Variants in ZFP1 observed in about 807,000 individuals in gnomAD.
ZFP1 encodes the protein ZFP1 zinc finger protein.
Under a neutral mutation model 38.5 loss-of-function variants are expected in ZFP1, and 32 were observed. The ratio of observed to expected loss-of-function variants is 0.83; its 90% CI spans 0.63 to 1.12. The LOEUF is 1.12. ZFP1 is among the 50% of genes most tolerant of loss of function. The pLI is 0.00. For synonymous variants in ZFP1, 245 were observed against 168.8 expected (o/e 1.45, Z -3.50); for missense variants, 616 against 480.8 (o/e 1.28, Z -2.63).
chr16:75,165,275 G>T (rs2038008773), intron 2 of ZFP1, among the ~76,000 whole-genome samples: 1 of 152,144 alleles, frequency 6.6e-6, no homozygotes, highest in South Asian at 2.1e-4. Context: ...GAAAAAGTTT[G>T]TCAACCAACT....
At chr16:75,134,969 G>A in the ZFP1 span, among the ~76,000 whole-genome samples, 2 of 151,622 alleles carry the variant, frequency 1.3e-5, no homozygotes, top group African/African-American at 2.4e-5. Context: ...CAGGAGAGTC[G>A]CTTGAACCCA....
chr16:75,126,752 A>C, the ZFP1 span, among the ~76,000 whole-genome samples: 1 of 152,198 alleles, frequency 6.6e-6, no homozygotes, highest in African/African-American at 2.4e-5. Flanking sequence ...TTGTAATATC[A>C]AGTGTTTTAT....
chr16:75,148,040 CT>C (rs1198032286), upstream of ZFP1, among the ~76,000 whole-genome samples: 1 of 151,914 alleles, frequency 6.6e-6, no homozygotes, highest in African/African-American at 2.4e-5. Flanking sequence ...ATATATATAC[CT>C]CAACAAAGTG....
chr16:75,137,808 C>T, the ZFP1 span, among the ~76,000 whole-genome samples: 2 of 152,042 alleles, frequency 1.3e-5, no homozygotes, highest in South Asian at 4.2e-4. Flanking sequence ...GAGGCTTAGG[C>T]AGGAGCATCA....
At chr16:75,149,973 C>T (rs2037105115) in intron 1 of ZFP1, among the ~76,000 whole-genome samples, 1 of 149,920 alleles carries the variant, frequency 6.7e-6, no homozygotes, top group East Asian at 2.0e-4. Context: ...TTAGTAGAGA[C>T]GGGGTTTCAC....
the ZFP1 span, among the ~76,000 whole-genome samples, chr16:75,134,668 C>A: frequency 6.6e-6 from 1 of 150,746 alleles, no homozygotes; most frequent in Non-Finnish European, 1.5e-5. Flanking sequence ...AGGAGAATGG[C>A]GTGAACCGGG....
At chr16:75,135,592 A>G in the ZFP1 span, among the ~76,000 whole-genome samples, 1 of 152,150 alleles carries the variant, frequency 6.6e-6, no homozygotes, top group African/African-American at 2.4e-5. Context: ...TGGGCAACAG[A>G]GTGAGACCCT....
chr16:75,138,956 C>G, the ZFP1 span, among the ~76,000 whole-genome samples: 1 of 152,158 alleles, frequency 6.6e-6, no homozygotes, highest in Non-Finnish European at 1.5e-5. Flanking sequence ...GGAAGTGGCA[C>G]TTTACCTCTA....
Position 75,169,921 on chromosome 16 carries a change from A to G in ZFP1, c.811A>G (p.Ser271Gly), listed in dbSNP as rs749694804. The stretch of plus-strand genomic sequence containing the variant: ...TATGGAGAAGAAGCCCTATGAGTGC[A>G]GTGAATGTGGAAAGACATTTGCCCA... Reference protein sequence around the residue: ...AHMEKKPYECSECGKTFAQKF... With the variant: ...AHMEKKPYECGECGKTFAQKF... The change falls in exon 4 of 4, where the codon AGT becomes GGT. Residue 271 changes from serine to glycine, a missense_variant. Physicochemically the swap from Ser to Gly is moderately conservative, Grantham distance 56. Coordinates refer to ENST00000570010, the MANE Select transcript of ZFP1 (RefSeq NM_153688.4). 3 of 1,614,224 alleles carry G rather than the reference A, an allele frequency of 1.9e-6. No homozygotes were observed. The highest frequency in any genetic ancestry group is 4.5e-5 in the East Asian group (2 of 44,878).
At chr16:75,146,112 T>G (rs1012762736), upstream of ZFP1, among the ~76,000 whole-genome samples, 8 of 151,506 alleles carry the variant, frequency 5.3e-5, no homozygotes, top group African/African-American at 1.9e-4. Context: ...TCCAGGGAAC[T>G]CTCCTGTCTC....
chr16:75,168,613 C>T lies in ZFP1; in HGVS notation c.143-640C>T, dbSNP rs572696334. On this transcript the variant is annotated intron_variant, in intron 3 of 3. Coordinates refer to ENST00000570010, the MANE Select transcript of ZFP1 (RefSeq NM_153688.4). ...GTGGTAAGGGTTGTGTATCTCTTAG[C>T]GAATGAGTTTCTGGATTTTACCATT... 6.6e-5 allele frequency among the ~76,000 whole-genome samples: 10 copies of T among 151,984 alleles called. No individual in the cohort carries two copies. The South Asian group carries it at 1.5e-3, about 22-fold the overall frequency.
In ZFP1 at chr16:75,169,360, G is replaced by C. The variant is rs757761955; in HGVS notation, c.250G>C (p.Asp84His). The change falls in exon 4 of 4, where the codon GAT becomes CAT. Residue 84 changes from aspartate to histidine, a missense_variant. Coordinates refer to ENST00000570010, the MANE Select transcript of ZFP1 (RefSeq NM_153688.4). ...KNQTPIEERGDLFGKALNLNT... is the reference protein window; with the variant it reads ...KNQTPIEERGHLFGKALNLNT... Reference sequence around the variant, plus strand: ...CCAAACCCCAATTGAGGAAAGAGGCGATCTCTTTGGAAAAGCACTTAATCT... The same window carrying C: ...CCAAACCCCAATTGAGGAAAGAGGCCATCTCTTTGGAAAAGCACTTAATCT... 1 of 1,613,870 alleles carries C rather than the reference G, an allele frequency of 6.2e-7. No homozygotes were observed. The highest frequency in any genetic ancestry group is 8.5e-7 in the Non-Finnish European group (1 of 1,179,986).
At chr16:75,149,698 A>C (rs1166020499) in intron 1 of ZFP1, among the ~76,000 whole-genome samples, 1 of 151,542 alleles carries the variant, frequency 6.6e-6, no homozygotes, top group Non-Finnish European at 1.5e-5. Context: ...AGCTGGGATT[A>C]CAGGCGTGAG....
chr16:75,137,690 T>G, the ZFP1 span, among the ~76,000 whole-genome samples: 1 of 151,796 alleles, frequency 6.6e-6, no homozygotes, highest in Non-Finnish European at 1.5e-5. Flanking sequence ...ATGGCCTCGA[T>G]CTCCTGACCT....
chr16:75,161,633 A>T lies in ZFP1; in HGVS notation c.16-5137A>T, dbSNP rs1423393770. ...TAACCTATTCTCTCCTGAAACTCACAGGCTTTTCTCTTTGCAGCTGGTGTT... is the reference window on the plus strand; with the variant it reads ...TAACCTATTCTCTCCTGAAACTCACTGGCTTTTCTCTTTGCAGCTGGTGTT... On this transcript the variant is annotated intron_variant, in intron 2 of 3. Coordinates refer to ENST00000570010, the MANE Select transcript of ZFP1 (RefSeq NM_153688.4). Among the ~76,000 whole-genome samples the T allele has an allele frequency of 2.7e-5, 4 of 150,338 alleles. No individual in the cohort carries two copies. The East Asian group carries it at 7.8e-4, about 29-fold the overall frequency.
chr16:75,165,235 T>C (rs1006755003), intron 2 of ZFP1, among the ~76,000 whole-genome samples: 3 of 152,096 alleles, frequency 2.0e-5, no homozygotes, highest in African/African-American at 7.2e-5. Context: ...AAAGGAAAAA[T>C]CTAGTTAGTT....
At chr16:75,166,411 A>T (rs1023079750) in intron 2 of ZFP1, 2 of 312,804 alleles carry the variant, frequency 6.4e-6, no homozygotes, top group African/African-American at 4.6e-5. Flanking sequence ...ATTTTAGTAG[A>T]GATGGGATTT....
intron 2 of ZFP1, among the ~76,000 whole-genome samples, chr16:75,153,460 A>T (rs2037309023): frequency 1.3e-5 from 2 of 152,226 alleles, no homozygotes; most frequent in African/African-American, 2.4e-5. Context: ...GTACATAATT[A>T]CACAAGTACA....
At chr16:75,138,559 C>G in the ZFP1 span, among the ~76,000 whole-genome samples, 65,771 of 152,018 alleles carry the variant, frequency 0.43, 14,704 homozygotes, top group East Asian at 0.63. Flanking sequence ...CGGACTGTGA[C>G]CTTATTTGCA....
Sources: allele counts gnomAD v4.1 joint callset (sites outside exome capture counted in the v4.1 genomes callset), GRCh38; gene constraint gnomAD v4.1.1; transcripts MANE v1.5; gene names NCBI Gene and HGNC (gene_info 2026-07-23, HGNC 2026-07-21).